The following FGD6 variants were observed in gnomAD, a reference collection of about 807,000 sequenced individuals.
The protein encoded by FGD6 is FYVE, RhoGEF and PH domain containing 6, also known as FYVE, RhoGEF and PH domain-containing protein 6.
A neutral mutation model predicts 149.4 loss-of-function variants in FGD6; 90 were observed. The ratio of observed to expected loss-of-function variants is 0.60; its 90% CI spans 0.51 to 0.72. The LOEUF (loss-of-function observed/expected upper bound fraction) is 0.72, where lower values mean the gene tolerates loss of function less well. FGD6 is among the 30% of genes least tolerant of loss of function. The probability of loss-of-function intolerance (pLI) is 0.00; values close to 1 mark genes in which losing one functional copy is unlikely to be tolerated. For synonymous variants in FGD6, 527 were observed against 584.0 expected, an observed-to-expected ratio of 0.90 and a Z score of 1.41; for missense variants, 1,437 against 1,684.8, an observed-to-expected ratio of 0.85 and a Z score of 2.57.
At chr12:95,151,996 ACATAT>A (rs1450780071) in intron 5 of FGD6, among the ~76,000 whole-genome samples, 5 of 152,168 alleles carry the variant, frequency 3.3e-5, no homozygotes, top group African/African-American at 1.2e-4. Context: ...GCACCCTGAC[ACATAT>A]CATAATTCTT....
chr12:95,098,519 G>C (rs1878315079), intron 14 of FGD6, among the ~76,000 whole-genome samples: 1 of 151,996 alleles, frequency 6.6e-6, no homozygotes, highest in African/African-American at 2.4e-5. Context: ...CCTCATTCTT[G>C]AGCTCGTGCC....
At chr12:95,160,357 AAAAC>A (rs1016568532) in intron 3 of FGD6, among the ~76,000 whole-genome samples, 2 of 152,314 alleles carry the variant, frequency 1.3e-5, no homozygotes, top group East Asian at 1.9e-4. Flanking sequence ...CTATAATAAA[AAAAC>A]AAACAAACAG....
intron 14 of FGD6, among the ~76,000 whole-genome samples, chr12:95,098,248 A>G (rs12320381): frequency 0.12 from 17,654 of 152,132 alleles, 1,401 homozygotes; most frequent in Non-Finnish European, 0.18. Context: ...CTCCCAATTC[A>G]TAGTATATGC....
At chr12:95,137,234 C>T (rs538644882) in intron 7 of FGD6, among the ~76,000 whole-genome samples, 6 of 152,146 alleles carry the variant, frequency 3.9e-5, no homozygotes, top group Non-Finnish European at 7.4e-5. Context: ...AGCCAATCTA[C>T]GTGCGAATGT....
At position 95,118,361 on chromosome 12, in the gene FGD6, A is replaced by AAAG. The variant is rs777482762; in HGVS notation, c.3083-4661_3083-4660insCTT. On this transcript the variant is annotated intron_variant, in intron 8 of 20. Transcript: ENST00000343958. ...GAGACTCTGTCTCAAAAAAAAAAAA[A>AAAG]AGAAAGAGAGAGAGAGAAAGGATGA... is the stretch of plus-strand genomic sequence containing the variant. Among the ~76,000 whole-genome samples the AAAG allele has an allele frequency of 1.1e-3, 123 of 116,280 alleles. 1 individual carries two copies. The highest frequency in any genetic ancestry group is 2.7e-3 in the African/African-American group (78 of 28,470). 76.3% of individuals were successfully genotyped at this position (116,280 alleles called of 152,430 possible).
chr12:95,149,154 T>G lies in FGD6; in HGVS notation c.2685+3657A>C, dbSNP rs1250349796. On this transcript the variant is annotated intron_variant, in intron 5 of 20. Transcript: ENST00000343958. ...ATAGCATATATTATATATTATATAATATATAGCATATATAATATTATATAT... is the reference window on the plus strand; with the variant it reads ...ATAGCATATATTATATATTATATAAGATATAGCATATATAATATTATATAT... Among the ~76,000 whole-genome samples, 9 of 19,562 alleles carry G rather than the reference T, an allele frequency of 4.6e-4. 2 individuals carry two copies. The highest frequency in any genetic ancestry group is 1.2e-3 in the Admixed American group (1 of 804). 12.8% of individuals were successfully genotyped at this position (19,562 alleles called of 152,430 possible). A position where few individuals can be genotyped will look rare whatever the true frequency, so the allele number is the denominator to read the frequency against.
In FGD6 at chr12:95,077,001, A is replaced by C. The variant is rs1033230413; in HGVS notation, c.*4519T>G. ...ATTCCTTCCCCCAACTCCAAAGGGA[A>C]AGGAATTTGATATTTAGGCTTTAAA... On this transcript the variant is annotated 3_prime_UTR_variant, in exon 21 of 21. Transcript: ENST00000343958. The C allele has an allele frequency of 6.6e-6, 1 of 152,178 alleles. No homozygotes were observed. The highest frequency in any genetic ancestry group is 1.5e-5 in the Non-Finnish European group (1 of 68,030). The allele number at this position is 152,178 out of a possible 1,614,324, so 9.4% of individuals were successfully genotyped here. A position where few individuals can be genotyped will look rare whatever the true frequency, so the allele number is the denominator to read the frequency against.
At chr12:95,109,209 C>T (rs1878732396) in intron 9 of FGD6, among the ~76,000 whole-genome samples, 1 of 152,108 alleles carries the variant, frequency 6.6e-6, no homozygotes. Flanking sequence ...AAGTGTTTTT[C>T]CATACTCCAG....
At chr12:95,134,026 G>C (rs1368422226) in intron 8 of FGD6, among the ~76,000 whole-genome samples, 1 of 152,094 alleles carries the variant, frequency 6.6e-6, no homozygotes. Context: ...TTACAGTCTA[G>C]TAGAAGATAG....
chr12:95,092,275 C>T (rs1486153491), intron 16 of FGD6, among the ~76,000 whole-genome samples: 2 of 152,184 alleles, frequency 1.3e-5, no homozygotes, highest in East Asian at 1.9e-4. Context: ...ACTGTTTCTA[C>T]ACCCATTTTA....
intron 14 of FGD6, among the ~76,000 whole-genome samples, chr12:95,096,791 G>T (rs1397250365): frequency 6.6e-6 from 1 of 152,190 alleles, no homozygotes; most frequent in African/African-American, 2.4e-5. Context: ...TGTAGTTAAG[G>T]ACTGGACCTC....
chr12:95,212,375 A>G (rs1216487332), intron 1 of FGD6, among the ~76,000 whole-genome samples: 3 of 152,222 alleles, frequency 2.0e-5, no homozygotes, highest in African/African-American at 7.2e-5. Flanking sequence ...CATTATATAT[A>G]AGGTATTTAA....
intron 8 of FGD6, chr12:95,125,853 GA>G: frequency 9.2e-7 from 1 of 1,085,922 alleles, no homozygotes; most frequent in Non-Finnish European, 1.4e-6. Context: ...AGATGTTATT[GA>G]TCAGAACAGG....
chr12:95,082,875 G>A (rs1877724727), intron 20 of FGD6, among the ~76,000 whole-genome samples: 1 of 147,006 alleles, frequency 6.8e-6, no homozygotes, highest in Admixed American at 6.9e-5. Context: ...GGCTGGGCAT[G>A]GTGGCTCACA....
chr12:95,080,732 A>G lies in FGD6; in HGVS notation c.*788T>C, dbSNP rs577817614. 2.6e-5 allele frequency: 4 copies of G among 152,348 alleles called. No individual in the cohort carries two copies. In the South Asian group the frequency reaches 8.3e-4, roughly 32 times the overall value. The allele number at this position is 152,348 out of a possible 1,614,324, so 9.4% of individuals were successfully genotyped here. On this transcript the variant is annotated 3_prime_UTR_variant, in exon 21 of 21. Coordinates refer to ENST00000343958, the MANE Select transcript of FGD6 (RefSeq NM_018351.4). ...TGCTTGCTATATTTTGCTATTTTAA[A>G]AAATGATACATTTATGTTTGTTTCG... is the stretch of plus-strand genomic sequence containing the variant.
At chr12:95,105,651 G>A (rs898784722) in intron 13 of FGD6, among the ~76,000 whole-genome samples, 5 of 152,308 alleles carry the variant, frequency 3.3e-5, no homozygotes, top group South Asian at 2.1e-4. Flanking sequence ...TTACTGTTTT[G>A]TTTATAGTAG....
At chr12:95,116,204 G>T (rs2136245877) in intron 8 of FGD6, among the ~76,000 whole-genome samples, 1 of 152,280 alleles carries the variant, frequency 6.6e-6, no homozygotes, top group Middle Eastern at 3.4e-3. Context: ...TCCGTGTCTG[G>T]TGAGTGCAAA....
intron 2 of FGD6, among the ~76,000 whole-genome samples, chr12:95,194,892 T>C (rs982779851): frequency 6.6e-5 from 10 of 152,336 alleles, no homozygotes; most frequent in Non-Finnish European, 1.2e-4. Flanking sequence ...CATGTGAATC[T>C]ACAGTTATAT....
chr12:95,078,927 C>G lies in FGD6; in HGVS notation c.*2593G>C, dbSNP rs919394136. On this transcript the variant is annotated 3_prime_UTR_variant, in exon 21 of 21. Coordinates refer to ENST00000343958, the MANE Select transcript of FGD6 (RefSeq NM_018351.4). ...TACCTGAAAAAGGGTTTGATGGAAG[C>G]ACAGGCACACATATCTGTATAATAA... 1.3e-5 allele frequency: 2 copies of G among 152,156 alleles called. No homozygotes were observed. The highest frequency in any genetic ancestry group is 4.8e-5 in the African/African-American group (2 of 41,434). The allele number at this position is 152,156 out of a possible 1,614,324, so 9.4% of individuals were successfully genotyped here.
Sources: gnomAD v4.1 joint callset for allele counts (sites outside exome capture counted in the v4.1 genomes callset) on GRCh38, gnomAD v4.1.1 for gene constraint, MANE v1.5 for transcripts, NCBI Gene and HGNC (gene_info 2026-07-23, HGNC 2026-07-21) for gene names.